Variants in ANKRD30A observed in about 807,000 individuals in gnomAD.
The protein encoded by ANKRD30A is ankyrin repeat domain 30A, also known as ankyrin repeat domain-containing protein 30A.
ANKRD30A carries 170 observed loss-of-function variants against 166.3 expected under a neutral mutation model. The ratio of observed to expected loss-of-function variants is 1.02; its 90% CI spans 0.90 to 1.16. The LOEUF is 1.16. Among genes scored for constraint, ANKRD30A ranks in the 50% most tolerant of loss-of-function variants. The pLI is 0.00. For synonymous variants in ANKRD30A, 564 were observed against 508.9 expected (o/e 1.11, Z -1.46); for missense variants, 1,630 against 1,518.0 (o/e 1.07, Z -1.23).
chr10:37,226,136 T>C (rs940410165), intron 34 of ANKRD30A, among the ~76,000 whole-genome samples: 3 of 151,500 alleles, frequency 2.0e-5, no homozygotes, highest in African/African-American at 7.3e-5. Context: ...CTTTAAGTTC[T>C]AGGGTACATG....
chr10:37,200,385 G>A (rs1475741350), intron 30 of ANKRD30A, among the ~76,000 whole-genome samples: 1 of 151,946 alleles, frequency 6.6e-6, no homozygotes, highest in Admixed American at 6.6e-5. Flanking sequence ...TTCACAAATG[G>A]AACTCCTTGA....
chr10:37,153,966 CAG>C (rs1838165323), intron 13 of ANKRD30A, among the ~76,000 whole-genome samples: 1 of 152,126 alleles, frequency 6.6e-6, no homozygotes, highest in Non-Finnish European at 1.5e-5. Context: ...ACAGAACGTA[CAG>C]AGAGTACATG....
chr10:37,236,984 A>T (rs1368557512), downstream of ANKRD30A, among the ~76,000 whole-genome samples: 1 of 152,148 alleles, frequency 6.6e-6, no homozygotes, highest in Non-Finnish European at 1.5e-5. Flanking sequence ...TGATGTTATG[A>T]TATTAGTTTC....
chr10:37,246,148 C>G, the ANKRD30A span, among the ~76,000 whole-genome samples: 2 of 152,286 alleles, frequency 1.3e-5, no homozygotes, highest in East Asian at 1.9e-4. Flanking sequence ...ATCACTGGAG[C>G]TACCATTATA....
At position 37,219,606 on chromosome 10, in the gene ANKRD30A, T is replaced by C. The variant is rs1842786754; in HGVS notation, c.3894T>C (p.Ala1298=). The C allele has an allele frequency of 6.2e-7, 1 of 1,610,288 alleles. No homozygotes were observed. The highest frequency in any genetic ancestry group is 8.5e-7 in the Non-Finnish European group (1 of 1,177,674). Residue 1298 remains alanine, a synonymous_variant, in exon 34 of 36, where the codon GCT becomes GCC. Transcript: ENST00000361713. ...AAACACAGTGTCAAATGAAGGAAGCTGAACACATGTATCAAAACGAACAAG... is the reference window on the plus strand; with the variant it reads ...AAACACAGTGTCAAATGAAGGAAGCCGAACACATGTATCAAAACGAACAAG... ...QRETQCQMKE[A]EHMYQNEQDN... is the part of the protein sequence containing the mutation.
At chr10:37,229,870 G>A (rs1038331291) in intron 34 of ANKRD30A, among the ~76,000 whole-genome samples, 1 of 151,696 alleles carries the variant, frequency 6.6e-6, no homozygotes, top group Non-Finnish European at 1.5e-5. Flanking sequence ...TTTAATACAG[G>A]CATCAGATGC....
chr10:37,152,685 CTT>C (rs1460576381), intron 12 of ANKRD30A, among the ~76,000 whole-genome samples: 1 of 152,022 alleles, frequency 6.6e-6, no homozygotes, highest in African/African-American at 2.4e-5. Flanking sequence ...GTTGAGTAGT[CTT>C]TTGAAAAATA....
chr10:37,146,687 G>A (rs192165839), intron 8 of ANKRD30A, among the ~76,000 whole-genome samples: 11 of 152,240 alleles, frequency 7.2e-5, no homozygotes, highest in African/African-American at 2.4e-4. Context: ...ACAAAAGCTT[G>A]AGTCAATACC....
intron 4 of ANKRD30A, among the ~76,000 whole-genome samples, chr10:37,133,170 A>T (rs1836480612): frequency 6.6e-6 from 1 of 151,998 alleles, no homozygotes; most frequent in South Asian, 2.1e-4. Flanking sequence ...TTCCTTTTTT[A>T]TTCATAGTGT....
At chr10:37,151,798 T>G (rs2132558794) in intron 11 of ANKRD30A, among the ~76,000 whole-genome samples, 1 of 152,252 alleles carries the variant, frequency 6.6e-6, no homozygotes, top group African/African-American at 2.4e-5. Context: ...AGGATATGAC[T>G]GCTTTATGAA....
intron 35 of ANKRD30A, among the ~76,000 whole-genome samples, 174 bp downstream of exon 35, chr10:37,231,854 C>T (rs552644452): frequency 3.4e-4 from 51 of 152,144 alleles, no homozygotes; most frequent in African/African-American, 1.2e-3. Flanking sequence ...GTCCCTGGAG[C>T]TCTCATTTTC....
chr10:37,214,101 T>C (rs1842482386), intron 31 of ANKRD30A, among the ~76,000 whole-genome samples: 1 of 151,672 alleles, frequency 6.6e-6, no homozygotes, highest in South Asian at 2.1e-4. Flanking sequence ...ATTATGCACA[T>C]AAATATTTAG....
At chr10:37,147,295 A>C (rs1240846467) in intron 8 of ANKRD30A, 75 bp from the exon 9 acceptor site, 1 of 1,202,010 alleles carries the variant, frequency 8.3e-7, no homozygotes, top group East Asian at 2.6e-5. Context: ...ATTGAGTTTA[A>C]AAAATATTTT....
rs754983259 is a variant in ANKRD30A at position 37,219,560 on chromosome 10, A to G, written c.3848A>G (p.His1283Arg). ...ALRENTLVSE[H>R]AQRDQRETQC... ...AGAGAAAATACATTGGTTTCAGAAC[A>G]TGCACAAAGAGACCAACGTGAAACA... The change falls in exon 34 of 36, where the codon CAT becomes CGT. Residue 1283 changes from histidine to arginine, a missense_variant. Physicochemically the swap from His to Arg is conservative, Grantham distance 29. Transcript: ENST00000361713. 1.1e-5 allele frequency: 18 copies of G among 1,610,408 alleles called. No individual in the cohort carries two copies. Among genetic ancestry groups the G allele is most frequent in the Non-Finnish European group, 1.3e-5 (15 of 1,177,738 alleles).
intron 24 of ANKRD30A, chr10:37,178,385 T>C (rs1382972389): frequency 2.1e-6 from 1 of 474,566 alleles, no homozygotes. Flanking sequence ...GTTTTCAAAC[T>C]TTAGAAAGTC....
At chr10:37,203,217 A>G (rs1273532146) in intron 31 of ANKRD30A, among the ~76,000 whole-genome samples, 2 of 152,214 alleles carry the variant, frequency 1.3e-5, no homozygotes, top group African/African-American at 4.8e-5. Flanking sequence ...CCTGATGAAC[A>G]TCAATGCAAA....
chr10:37,147,547 T>C, intron 9 of ANKRD30A, 90 bp downstream of exon 9: 1 of 787,198 alleles, frequency 1.3e-6, no homozygotes, highest in South Asian at 2.2e-5. Context: ...CAAATAAAAT[T>C]ACCCACTAAA....
the ANKRD30A span, among the ~76,000 whole-genome samples, chr10:37,260,962 A>C: frequency 1.3e-5 from 2 of 151,354 alleles, no homozygotes; most frequent in African/African-American, 4.9e-5. Context: ...TACCTGGATG[A>C]TGGATTTGTT....
At chr10:37,210,433 G>T (rs564273473) in intron 31 of ANKRD30A, among the ~76,000 whole-genome samples, 12 of 152,246 alleles carry the variant, frequency 7.9e-5, no homozygotes, top group African/African-American at 2.9e-4. Flanking sequence ...ACCTATGTAT[G>T]CATGTGTCTT....
Sources: gnomAD v4.1 joint callset for allele counts (sites outside exome capture counted in the v4.1 genomes callset) on GRCh38, gnomAD v4.1.1 for gene constraint, MANE v1.5 for transcripts, NCBI Gene and HGNC (gene_info 2026-07-23, HGNC 2026-07-21) for gene names.